H2BC5: variants seen among roughly 807,000 people sequenced by gnomAD.
The protein encoded by H2BC5 is histone H2B type 1-D.
Under a neutral mutation model 5.7 loss-of-function variants are expected in H2BC5, and 9 were observed. The ratio of observed to expected loss-of-function variants is 1.57; its 90% CI spans 0.95 to 2.74. The LOEUF (loss-of-function observed/expected upper bound fraction) is 2.74. H2BC5 is among the 30% of genes most tolerant of loss of function. The pLI is 0.00. For missense variants in H2BC5, 175 were observed against 168.8 expected (o/e 1.04, Z -0.20); for synonymous variants, 133 against 70.9 (o/e 1.88, Z -4.40).
At chr6:26,164,239 C>T in intron 1 of H2BC5, 1 of 353,062 alleles carries the variant, frequency 2.8e-6, no homozygotes, top group South Asian at 2.7e-5. Context: ...GACCTGCCAC[C>T]ATGATCAGCC....
At chr6:26,158,641 C>A, downstream of H2BC5, 1 of 1,545,480 alleles carries the variant, frequency 6.5e-7, no homozygotes, top group Non-Finnish European at 8.7e-7. Context: ...TCATTTCATT[C>A]AAAAGGGGGG....
At chr6:26,162,541 TTTG>T (rs897712588), downstream of H2BC5, among the ~76,000 whole-genome samples, 107 of 152,216 alleles carry the variant, frequency 7.0e-4, no homozygotes, top group African/African-American at 2.4e-3. Flanking sequence ...TTGGTTTTTG[TTTG>T]TTGTTGTTGT....
upstream of H2BC5, chr6:26,158,121 G>C (rs771408336): frequency 1.3e-6 from 2 of 1,572,342 alleles, no homozygotes; most frequent in Non-Finnish European, 1.7e-6. Context: ...CGGCGGGAGT[G>C]ATTATTTTCT....
intron 1 of H2BC5, among the ~76,000 whole-genome samples, chr6:26,166,692 CTTTTTTTTTTTT>C (rs139697089): frequency 1.1e-5 from 1 of 90,164 alleles, no homozygotes; most frequent in East Asian, 3.1e-4. Context: ...ATACTTTTGG[CTTTTTTTTTTTT>C]TTTTTTTTTT....
downstream of H2BC5, chr6:26,158,714 C>G (rs1764286518): frequency 8.5e-7 from 1 of 1,179,228 alleles, no homozygotes; most frequent in Non-Finnish European, 1.2e-6. Flanking sequence ...GAGGAAATAA[C>G]TTGGAAGTTA....
downstream of H2BC5, among the ~76,000 whole-genome samples, chr6:26,159,906 T>C (rs79883246): frequency 2.7e-3 from 412 of 152,292 alleles, 2 homozygotes; most frequent in East Asian, 0.012. Flanking sequence ...ACTTGGCCCA[T>C]GTTAAACCCC....
At chr6:26,167,425 C>T (rs1293427950) in intron 1 of H2BC5, among the ~76,000 whole-genome samples, 1 of 152,194 alleles carries the variant, frequency 6.6e-6, no homozygotes, top group Non-Finnish European at 1.5e-5. Context: ...AGAGAAGGGC[C>T]ATCAGCCCTC....
chr6:26,158,758 C>T, downstream of H2BC5: 1 of 790,142 alleles, frequency 1.3e-6, no homozygotes, highest in Non-Finnish European at 2.0e-6. Flanking sequence ...AAATTGAGTG[C>T]TATGGGTACG....
chr6:26,167,873 ATATTTATT>A (rs966671609), intron 1 of H2BC5, among the ~76,000 whole-genome samples: 1 of 151,772 alleles, frequency 6.6e-6, no homozygotes, highest in African/African-American at 2.4e-5. Flanking sequence ...CTAGGGTATC[ATATTTATT>A]TATTTATTTA....
intron 1 of H2BC5, chr6:26,163,652 C>A (rs1235414870): frequency 6.6e-6 from 1 of 152,556 alleles, no homozygotes; most frequent in Non-Finnish European, 1.5e-5. Flanking sequence ...AACTGATTAT[C>A]TTCAAAACCA....
At chr6:26,161,509 G>A (rs1274523899), downstream of H2BC5, among the ~76,000 whole-genome samples, 1 of 152,098 alleles carries the variant, frequency 6.6e-6, no homozygotes, top group Admixed American at 6.6e-5. Context: ...GGTGACTCAT[G>A]CTTGTAATCC....
At chr6:26,159,243 GTTTTTTTTTTTTTTT>G (rs35999697), downstream of H2BC5, among the ~76,000 whole-genome samples, 21 of 61,446 alleles carry the variant, frequency 3.4e-4, no homozygotes, top group East Asian at 8.2e-3. Context: ...TAATTTATAG[GTTTTTTTTTTTTTTT>G]TTTTTTTTTT....
intron 1 of H2BC5, chr6:26,163,927 C>T (rs1038127044): frequency 8.4e-6 from 2 of 238,544 alleles, no homozygotes; most frequent in Non-Finnish European, 1.7e-5. Flanking sequence ...AGGTGTGAGC[C>T]ATTTCCTCCG....
intron 1 of H2BC5, among the ~76,000 whole-genome samples, chr6:26,166,742 C>G (rs1764437309): frequency 7.0e-6 from 1 of 143,182 alleles, no homozygotes; most frequent in African/African-American, 2.6e-5. Context: ...TTCTGTCACC[C>G]AGGCTAAAGT....
downstream of H2BC5, among the ~76,000 whole-genome samples, chr6:26,160,019 A>C (rs1383485299): frequency 6.6e-6 from 1 of 152,176 alleles, no homozygotes; most frequent in African/African-American, 2.4e-5. Context: ...TAAATCTGTC[A>C]TCTCAAGAGT....
downstream of H2BC5, among the ~76,000 whole-genome samples, chr6:26,159,064 A>G (rs1285919140): frequency 6.6e-6 from 1 of 152,136 alleles, no homozygotes; most frequent in South Asian, 2.1e-4. Flanking sequence ...ACACGGAACT[A>G]TTACAAAGGT....
Position 26,158,142 on chromosome 6 carries a change from C to T in H2BC5, c.-28C>T, listed in dbSNP as rs780137904. The stretch of plus-strand genomic sequence containing the variant: ...GAGTGATTATTTTCTCAGGTGTTTG[C>T]AACAGTGTTCTAACTATTAACGCTA... On this transcript the variant is annotated 5_prime_UTR_variant, in exon 1 of 1. Coordinates refer to ENST00000377777, the MANE Select transcript of H2BC5 (RefSeq NM_021063.4). 4 of 1,596,956 alleles carry T rather than the reference C, an allele frequency of 2.5e-6. No homozygotes were observed. In the South Asian group the frequency reaches 3.4e-5, roughly 13 times the overall value.
chr6:26,166,531 G>C (rs938117409), intron 1 of H2BC5, among the ~76,000 whole-genome samples: 1 of 152,038 alleles, frequency 6.6e-6, no homozygotes, highest in East Asian at 1.9e-4. Context: ...CTTGGGATGT[G>C]GGGGAAGGCT....
Position 26,158,141 on chromosome 6 carries a change from G to A in H2BC5, c.-29G>A, listed in dbSNP as rs1295511507. The stretch of plus-strand genomic sequence containing the variant: ...GGAGTGATTATTTTCTCAGGTGTTT[G>A]CAACAGTGTTCTAACTATTAACGCT... On this transcript the variant is annotated 5_prime_UTR_variant, in exon 1 of 1. Transcript: ENST00000377777. 1 of 1,595,816 alleles carries A rather than the reference G, an allele frequency of 6.3e-7. No individual in the cohort carries two copies.
Sources: gnomAD v4.1 joint callset for allele counts (sites outside exome capture counted in the v4.1 genomes callset) on GRCh38, gnomAD v4.1.1 for gene constraint, MANE v1.5 for transcripts, NCBI Gene and HGNC (gene_info 2026-07-23, HGNC 2026-07-21) for gene names.